The following ZNF226 variants were observed in gnomAD, a reference collection of about 807,000 sequenced individuals.
The protein encoded by ZNF226 is zinc finger protein 226, also known as Kruppel-associated box protein.
ZNF226 carries 6 observed loss-of-function variants against 11.4 expected under a neutral mutation model. The ratio of observed to expected loss-of-function variants is 0.53; its 90% CI spans 0.29 to 1.04. The LOEUF is 1.04. Ranked by LOEUF, ZNF226 falls within the 50% of genes least tolerant of loss-of-function variation. The pLI, the probability that ZNF226 is intolerant of heterozygous loss-of-function variation, is 0.08. For missense variants in ZNF226, 1,058 were observed against 956.5 expected, an observed-to-expected ratio of 1.11 and a Z score of -1.40; for synonymous variants, 350 against 322.8, an observed-to-expected ratio of 1.08 and a Z score of -0.90.
Position 44,177,530 on chromosome 19 carries a change from ATG to A in ZNF226, c.2271_2272del (p.Cys757Ter). On this transcript the variant is annotated frameshift_variant, in exon 6 of 6. Coordinates refer to ENST00000337433, the MANE Select transcript of ZNF226 (RefSeq NM_001032373.2). LOFTEE classifies it low-confidence loss of function (END_TRUNC). Reference protein sequence around the residue: ...RVHTGEKPYKCEICGKSFSWR... With the variant: ...RVHTGEKPYKXEICGKSFSWR... ...TTCACACTGGGGAGAAACCTTATAA[ATG>A]TGAGATATGTGGTAAGAGCTTCAGT... 1.2e-6 allele frequency: 2 copies of A among 1,614,120 alleles called. No individual in the cohort carries two copies. The highest frequency in any genetic ancestry group is 1.7e-6 in the Non-Finnish European group (2 of 1,179,976).
At chr19:44,175,012 C>G (rs755776707) in intron 5 of ZNF226, 7 of 1,611,372 alleles carry the variant, frequency 4.3e-6, no homozygotes, top group Non-Finnish European at 5.1e-6. Context: ...CTCTTTTGCT[C>G]TATGACCTGG....
Position 44,177,122 on chromosome 19 carries a change from TG to T in ZNF226, c.1863del (p.Lys622ArgfsTer63), listed in dbSNP as rs756616554. On this transcript the variant is annotated frameshift_variant, in exon 6 of 6. Coordinates refer to ENST00000337433, the MANE Select transcript of ZNF226 (RefSeq NM_001032373.2). LOFTEE classifies it low-confidence loss of function (END_TRUNC). ...AGAAACCATATAATTGTGAGGAGTGTGGGAAGGTCTTCAGGCAGGCCTCAAA... is the reference window on the plus strand; with the variant it reads ...AGAAACCATATAATTGTGAGGAGTGTGGAAGGTCTTCAGGCAGGCCTCAAA... Reference protein sequence around the residue: ...GEKPYNCEECGKVFRQASNLL... With the variant: ...GEKPYNCEECXKVFRQASNLL... 3.3e-5 allele frequency: 53 copies of T among 1,613,960 alleles called. No individual in the cohort carries two copies. Among genetic ancestry groups the T allele is most frequent in the Non-Finnish European group, 4.4e-5 (52 of 1,180,012 alleles).
At chr19:44,182,904 A>G (rs1970928966), downstream of ZNF226, among the ~76,000 whole-genome samples, 1 of 152,200 alleles carries the variant, frequency 6.6e-6, no homozygotes, top group African/African-American at 2.4e-5. Context: ...TGATTTGAAT[A>G]AGTGGAAAGA....
At chr19:44,186,409 A>G in the ZNF226 span, among the ~76,000 whole-genome samples, 13 of 152,064 alleles carry the variant, frequency 8.5e-5, no homozygotes, top group African/African-American at 2.7e-4. Context: ...GTAGTTTTCA[A>G]TGTAAAAATA....
chr19:44,180,086 C>CAAAAA (rs60173546), downstream of ZNF226, among the ~76,000 whole-genome samples: 1 of 54,746 alleles, frequency 1.8e-5, no homozygotes, highest in African/African-American at 4.2e-5. Context: ...GACTCTGTCT[C>CAAAAA]AAAAAAAAAA....
At chr19:44,166,929 T>G (rs1417139161) in intron 2 of ZNF226, 2 of 152,212 alleles carry the variant, frequency 1.3e-5, no homozygotes, top group African/African-American at 4.8e-5. Flanking sequence ...GAAAAGGTCT[T>G]ATCTGGAAAC....
the ZNF226 span, among the ~76,000 whole-genome samples, chr19:44,194,179 A>G: frequency 6.6e-6 from 1 of 152,112 alleles, no homozygotes; most frequent in Non-Finnish European, 1.5e-5. Context: ...GTCTGTGACT[A>G]TTTTATCCTT....
downstream of ZNF226, among the ~76,000 whole-genome samples, chr19:44,179,465 GAATGGAACTCTGGA>G (rs1599742681): frequency 1.3e-5 from 2 of 152,242 alleles, no homozygotes; most frequent in East Asian, 3.9e-4. Flanking sequence ...CAAAATTAAA[GAATGGAACTCTGGA>G]AATCAATTAT....
the ZNF226 span, among the ~76,000 whole-genome samples, chr19:44,191,992 G>A: frequency 3.3e-5 from 5 of 152,142 alleles, no homozygotes; most frequent in African/African-American, 1.2e-4. Context: ...AAAGGTACTT[G>A]AATTCAACTA....
At chr19:44,168,954 ATTCT>A (rs1182433871) in intron 2 of ZNF226, among the ~76,000 whole-genome samples, 1 of 112,474 alleles carries the variant, frequency 8.9e-6, no homozygotes, top group Non-Finnish European at 1.9e-5. Context: ...TTTATTACAC[ATTCT>A]TTTGTTTATA....
intron 2 of ZNF226, chr19:44,166,731 A>G (rs916528331): frequency 1.3e-5 from 2 of 152,182 alleles, no homozygotes; most frequent in Admixed American, 6.5e-5. Flanking sequence ...GGGACTGAGT[A>G]CAGTGCAACA....
intron 3 of ZNF226, among the ~76,000 whole-genome samples, 163 bp downstream of exon 3, chr19:44,170,258 G>A (rs1371899771): frequency 6.6e-6 from 1 of 152,114 alleles, no homozygotes; most frequent in African/African-American, 2.4e-5. Context: ...TTTGGTTTTA[G>A]TTTTATTTCG....
chr19:44,192,729 A>T, the ZNF226 span, among the ~76,000 whole-genome samples: 135 of 152,326 alleles, frequency 8.9e-4, 1 homozygote, highest in Middle Eastern at 3.4e-3. Flanking sequence ...TTAAGTGGAA[A>T]GTGTAAAACA....
chr19:44,190,582 G>T, the ZNF226 span, among the ~76,000 whole-genome samples: 1 of 151,974 alleles, frequency 6.6e-6, no homozygotes, highest in African/African-American at 2.4e-5. Context: ...TGATCCGCCC[G>T]CCTCGGCCTC....
At chr19:44,187,589 C>G in the ZNF226 span, among the ~76,000 whole-genome samples, 87 of 151,772 alleles carry the variant, frequency 5.7e-4, no homozygotes, top group Non-Finnish European at 9.9e-4. This position sits in a 1 kb window ranked among gnomAD's most constrained non-coding sequence, Gnocchi z 4.0. Context: ...AAAACAGACT[C>G]TTAATTTTCT....
At chr19:44,185,941 TGTAAG>T in the ZNF226 span, among the ~76,000 whole-genome samples, 2 of 152,152 alleles carry the variant, frequency 1.3e-5, no homozygotes, top group Non-Finnish European at 2.9e-5. Flanking sequence ...TTGTATACAA[TGTAAG>T]GTAAGGGTCT....
chr19:44,191,365 T>G, the ZNF226 span, among the ~76,000 whole-genome samples: 78 of 152,302 alleles, frequency 5.1e-4, no homozygotes, highest in African/African-American at 1.7e-3. Flanking sequence ...AGAATCGTGG[T>G]TGATAGCATT....
At position 44,176,298 on chromosome 19, in the gene ZNF226, C is replaced by A; in HGVS notation, c.1036C>A (p.Arg346Ser). Residue 346 changes from arginine to serine, a missense_variant, in exon 6 of 6, where the codon CGT (arginine) becomes AGT (serine). Physicochemically the swap from Arg to Ser is moderately radical, Grantham distance 110. Transcript: ENST00000337433. ...TAAGCAATGTGGGAAAGGTTTCAGT[C>A]GTAGATCAGCACTTAATGTTCATTG... is the stretch of plus-strand genomic sequence containing the variant. ...KCKQCGKGFS[R>S]RSALNVHCKV... 1 of 1,614,086 alleles carries A rather than the reference C, an allele frequency of 6.2e-7. No homozygotes were observed. Among genetic ancestry groups the A allele is most frequent in the Non-Finnish European group, 8.5e-7 (1 of 1,180,010 alleles).
At chr19:44,178,348 T>C (rs543954129), downstream of ZNF226, 2 of 152,332 alleles carry the variant, frequency 1.3e-5, no homozygotes, top group East Asian at 3.9e-4. Context: ...ACTACACTTA[T>C]TTTTTCAACA....
Sources: gnomAD v4.1 joint callset for allele counts (sites outside exome capture counted in the v4.1 genomes callset) on GRCh38, gnomAD v4.1.1 for gene constraint, Gnocchi (gnomAD v3.1) non-coding constraint, MANE v1.5 for transcripts, NCBI Gene and HGNC (gene_info 2026-07-23, HGNC 2026-07-21) for gene names.